TUSC3: variants seen among roughly 807,000 people sequenced by gnomAD.
TUSC3 encodes tumor suppressor candidate 3.
A neutral mutation model predicts 44.8 loss-of-function variants in TUSC3; 45 were observed. The ratio of observed to expected loss-of-function variants is 1.00; its 90% CI spans 0.79 to 1.29. TUSC3 has a LOEUF of 1.29. Among genes scored for constraint, TUSC3 ranks in the 50% most tolerant of loss-of-function variants. The probability of loss-of-function intolerance (pLI) is 0.00; values close to 1 mark genes in which losing one functional copy is unlikely to be tolerated. For synonymous variants in TUSC3, 212 were observed against 152.9 expected (o/e 1.39, Z -2.85); for missense variants, 519 against 437.9 (o/e 1.19, Z -1.65).
chr8:15,516,420 C>G (rs1028154892), intron 2 of TUSC3, among the ~76,000 whole-genome samples: 3 of 152,108 alleles, frequency 2.0e-5, no homozygotes, highest in Non-Finnish European at 4.4e-5. Flanking sequence ...ATTCAATTAC[C>G]AAGCATTACA....
intron 1 of TUSC3, among the ~76,000 whole-genome samples, chr8:15,574,591 G>C (rs781653949): frequency 2.7e-4 from 41 of 152,194 alleles, no homozygotes; most frequent in Non-Finnish European, 5.3e-4. Context: ...TTCACCCCTT[G>C]AGAGTAATTT....
intron 1 of TUSC3, among the ~76,000 whole-genome samples, chr8:15,562,817 C>T (rs538683702): frequency 6.6e-6 from 1 of 152,142 alleles, no homozygotes; most frequent in Admixed American, 6.5e-5. Context: ...ACTAGGATCA[C>T]TTTTGTGACA....
intron 2 of TUSC3, among the ~76,000 whole-genome samples, chr8:15,638,811 C>T (rs969056487): frequency 6.6e-6 from 1 of 152,166 alleles, no homozygotes; most frequent in African/African-American, 2.4e-5. Context: ...CAGGCTTGAG[C>T]CACTGTACCT....
intron 2 of TUSC3, among the ~76,000 whole-genome samples, chr8:15,505,089 T>G (rs548824085): frequency 1.2e-4 from 18 of 152,230 alleles, no homozygotes; most frequent in African/African-American, 3.6e-4. Flanking sequence ...CCTCCCACAT[T>G]GTAAAAATAT....
chr8:15,806,129 A>G, the TUSC3 span: 1 of 442,866 alleles, frequency 2.3e-6, no homozygotes, highest in Non-Finnish European at 4.4e-6. Flanking sequence ...GGTAAACTCC[A>G]TGGCTAGATG....
the TUSC3 span, among the ~76,000 whole-genome samples, chr8:15,796,650 A>G: frequency 6.6e-6 from 1 of 152,230 alleles, no homozygotes; most frequent in African/African-American, 2.4e-5. Flanking sequence ...TGTGGACTGA[A>G]GGCTCCACTG....
chr8:15,691,521 T>C (rs1808900587), intron 6 of TUSC3, among the ~76,000 whole-genome samples: 1 of 152,198 alleles, frequency 6.6e-6, no homozygotes, highest in South Asian at 2.1e-4. Flanking sequence ...GCTGGATTTC[T>C]CTGGCTAGGA....
the TUSC3 span, among the ~76,000 whole-genome samples, chr8:15,842,771 T>C: frequency 3.9e-5 from 6 of 152,304 alleles, no homozygotes; most frequent in South Asian, 1.2e-3. Context: ...TATTGACAAT[T>C]CTTTGAAACA....
intron 2 of TUSC3, among the ~76,000 whole-genome samples, chr8:15,634,192 A>T (rs1369464461): frequency 1.3e-5 from 2 of 152,186 alleles, no homozygotes; most frequent in Non-Finnish European, 2.9e-5. Context: ...GCCCCTGTGA[A>T]GTTTTGCTTA....
At chr8:15,794,132 A>G in the TUSC3 span, among the ~76,000 whole-genome samples, 3 of 152,186 alleles carry the variant, frequency 2.0e-5, no homozygotes, top group Non-Finnish European at 4.4e-5. Context: ...ACATTCTACT[A>G]TGTAATGCAG....
At chr8:15,436,397 T>C (rs1799945735) in intron 1 of TUSC3, among the ~76,000 whole-genome samples, 1 of 152,222 alleles carries the variant, frequency 6.6e-6, no homozygotes, top group Non-Finnish European at 1.5e-5. Context: ...GCCATAGTTC[T>C]AAATTTTAGA....
intron 1 of TUSC3, among the ~76,000 whole-genome samples, chr8:15,540,780 G>A (rs952951530): frequency 1.3e-5 from 2 of 152,194 alleles, no homozygotes; most frequent in Admixed American, 6.5e-5. Flanking sequence ...GGCAAAGCGT[G>A]TTCTTGACTG....
intron 1 of TUSC3, among the ~76,000 whole-genome samples, chr8:15,462,275 C>G (rs1334883164): frequency 6.6e-6 from 1 of 152,004 alleles, no homozygotes; most frequent in Non-Finnish European, 1.5e-5. Context: ...TGACGAGTGA[C>G]TTTTATCTAG....
intron 6 of TUSC3, among the ~76,000 whole-genome samples, chr8:15,706,241 G>C (rs1013281918): frequency 6.6e-6 from 1 of 151,948 alleles, no homozygotes; most frequent in African/African-American, 2.4e-5. Context: ...TGTGTTTGCT[G>C]TTTATTTTCA....
the TUSC3 span, among the ~76,000 whole-genome samples, chr8:15,848,748 G>T: frequency 2.0e-5 from 3 of 152,176 alleles, no homozygotes; most frequent in East Asian, 5.8e-4. Flanking sequence ...TCAACTTGGA[G>T]TCAGGGCACC....
In TUSC3 at chr8:15,679,582, A is replaced by C. The variant is rs79623004; in HGVS notation, c.798+5746A>C. ...ATTGATAGTTCCTTTTGCTGTGTAGAAGCTCTTCAGTATAATTAGGTTCCA... is the reference window on the plus strand; with the variant it reads ...ATTGATAGTTCCTTTTGCTGTGTAGCAGCTCTTCAGTATAATTAGGTTCCA... On this transcript the variant is annotated intron_variant, in intron 6 of 10. Transcript: ENST00000503731. 3.5e-3 allele frequency among the ~76,000 whole-genome samples: 528 copies of C among 152,254 alleles called. 9 individuals are homozygous for C. The East Asian group carries it at 0.037, about 11-fold the overall frequency.
chr8:15,737,879 AC>A (rs1350522056), intron 7 of TUSC3, among the ~76,000 whole-genome samples: 2 of 152,160 alleles, frequency 1.3e-5, no homozygotes, highest in African/African-American at 4.8e-5. Flanking sequence ...TTTTTATGTT[AC>A]AAATGTAATT....
chr8:15,673,477 G>C (rs1808043990), intron 5 of TUSC3, among the ~76,000 whole-genome samples: 1 of 151,966 alleles, frequency 6.6e-6, no homozygotes, highest in Non-Finnish European at 1.5e-5. Flanking sequence ...CTGTCACCAG[G>C]CCAGATGCTT....
intron 1 of TUSC3, among the ~76,000 whole-genome samples, chr8:15,482,090 A>G (rs1411778209): frequency 1.3e-5 from 2 of 152,216 alleles, no homozygotes; most frequent in Non-Finnish European, 2.9e-5. Flanking sequence ...CCAGGAGTAT[A>G]TTCCATCTTA....
Sources: allele counts gnomAD v4.1 joint callset (sites outside exome capture counted in the v4.1 genomes callset), GRCh38; gene constraint gnomAD v4.1.1; transcripts MANE v1.5; gene names NCBI Gene and HGNC (gene_info 2026-07-23, HGNC 2026-07-21).